Variants in HDAC9 observed in about 807,000 individuals in gnomAD.
HDAC9 encodes histone deacetylase 9.
In HDAC9, 41 loss-of-function variants were observed where a neutral mutation model predicts 139.4. The observed-to-expected ratio is 0.29, with a 90% CI of 0.23 to 0.38. The LOEUF is 0.38. Among genes scored for constraint, HDAC9 ranks in the 10% least tolerant of loss-of-function variants. HDAC9 has a pLI of 1.00. For missense variants in HDAC9, 1,147 were observed against 1,297.0 expected (o/e 0.88, Z 1.78); for synonymous variants, 517 against 476.2 (o/e 1.09, Z -1.12).
intron 1 of HDAC9, among the ~76,000 whole-genome samples, chr7:18,436,473 A>G (rs1173874101): frequency 6.6e-6 from 1 of 152,166 alleles, no homozygotes; most frequent in Non-Finnish European, 1.5e-5. Context: ...TTTTGTTTTC[A>G]TGCTAATTTC....
chr7:18,206,034 G>C (rs1038402794), intron 2 of HDAC9, among the ~76,000 whole-genome samples: 67 of 152,140 alleles, frequency 4.4e-4, no homozygotes, highest in African/African-American at 1.5e-3. Context: ...ACTTTTAATA[G>C]TTAAAATTTT....
chr7:18,524,901 C>CA (rs754513515), intron 2 of HDAC9, among the ~76,000 whole-genome samples: 12 of 148,152 alleles, frequency 8.1e-5, no homozygotes, highest in Admixed American at 1.4e-4. Context: ...CACACACACA[C>CA]ATTACAGATA....
chr7:18,298,788 C>G (rs1442967319), intron 1 of HDAC9, among the ~76,000 whole-genome samples: 2 of 151,986 alleles, frequency 1.3e-5, no homozygotes, highest in African/African-American at 4.8e-5. Flanking sequence ...TTAAATATCC[C>G]ATATAAAAAG....
At chr7:18,892,247 T>G (rs1378680479) in intron 22 of HDAC9, 1 of 152,212 alleles carries the variant, frequency 6.6e-6, no homozygotes, top group Non-Finnish European at 1.5e-5. Context: ...TGGTTTAAAA[T>G]TCTCTATCTA....
Position 18,368,447 on chromosome 7 carries a change from GTTTCT to G in HDAC9, c.-42+77933_-42+77937del, listed in dbSNP as rs537049010. On this transcript the variant is annotated intron_variant, in intron 1 of 3. Coordinates refer to the HDAC9 transcript ENST00000413509. ...AAATTTCTTATATATCAAACATGCTGTTTCTGTTTCTGAACTCTGTTTGGTTCCAT... is the reference window on the plus strand; with the variant it reads ...AAATTTCTTATATATCAAACATGCTGGTTTCTGAACTCTGTTTGGTTCCAT... Among the ~76,000 whole-genome samples the G allele has an allele frequency of 8.8e-4, 133 of 151,880 alleles. 1 individual carries two copies. The East Asian group carries it at 0.023, about 26-fold the overall frequency.
chr7:18,657,640 AC>A (rs1791654023), intron 11 of HDAC9, among the ~76,000 whole-genome samples: 1 of 152,002 alleles, frequency 6.6e-6, no homozygotes, highest in Non-Finnish European at 1.5e-5. Flanking sequence ...CACTGCCCCA[AC>A]CCCTGCCAAG....
chr7:18,144,345 C>CT (rs1457154421), intron 1 of HDAC9, among the ~76,000 whole-genome samples: 2 of 152,110 alleles, frequency 1.3e-5, no homozygotes, highest in Non-Finnish European at 2.9e-5. Flanking sequence ...TAACTGGAAC[C>CT]TTCTTCTGGT....
intron 21 of HDAC9, among the ~76,000 whole-genome samples, chr7:18,852,134 C>T (rs1797345830): frequency 1.3e-5 from 2 of 152,196 alleles, no homozygotes. Flanking sequence ...GTGCGTAAAG[C>T]TGCCTTACAA....
At chr7:18,665,020 T>A (rs927974377) in intron 11 of HDAC9, among the ~76,000 whole-genome samples, 1 of 152,132 alleles carries the variant, frequency 6.6e-6, no homozygotes, top group Non-Finnish European at 1.5e-5. Context: ...TCAGGGCCAT[T>A]TGAGGTTGCG....
chr7:18,385,381 A>G (rs1048152295), intron 1 of HDAC9, among the ~76,000 whole-genome samples: 1 of 152,192 alleles, frequency 6.6e-6, no homozygotes, highest in Non-Finnish European at 1.5e-5. Flanking sequence ...ATAAGAAATG[A>G]ATAAAGTTGC....
chr7:18,177,288 C>T (rs1788995341), intron 2 of HDAC9, among the ~76,000 whole-genome samples: 1 of 152,180 alleles, frequency 6.6e-6, no homozygotes, highest in Non-Finnish European at 1.5e-5. Context: ...ACGGATGGAT[C>T]TGTGTCTGAG....
chr7:18,636,623 A>C (rs1456642036), intron 8 of HDAC9, among the ~76,000 whole-genome samples: 7 of 151,550 alleles, frequency 4.6e-5, no homozygotes, highest in Admixed American at 3.3e-4. Flanking sequence ...TGGCCTCTAC[A>C]TGGTCTTCAG....
intron 16 of HDAC9, among the ~76,000 whole-genome samples, chr7:18,782,664 C>T (rs541042743): frequency 6.6e-6 from 1 of 151,142 alleles, no homozygotes; most frequent in Non-Finnish European, 1.5e-5. Context: ...CTTTGATGTG[C>T]TGCGAAATAG....
In HDAC9 at chr7:18,563,470, C is replaced by T. The variant is rs186723602; in HGVS notation, c.23-21811C>T. ...ATTGTTAGCTTATTTTAGTTATTTC[C>T]CCATTTTCCATCCCCTAATATCTTT... is the stretch of plus-strand genomic sequence containing the variant. On this transcript the variant is annotated intron_variant, in intron 2 of 25. Coordinates refer to ENST00000686413, the MANE Select transcript of HDAC9 (RefSeq NM_178425.4). 2.6e-5 allele frequency among the ~76,000 whole-genome samples: 4 copies of T among 151,944 alleles called. No individual in the cohort carries two copies. The East Asian group carries it at 7.7e-4, about 29-fold the overall frequency.
intron 1 of HDAC9, among the ~76,000 whole-genome samples, chr7:18,143,487 C>T (rs1786060736): frequency 6.6e-6 from 1 of 152,058 alleles, no homozygotes. Flanking sequence ...TGAATTGCTG[C>T]TATGATCAAG....
At chr7:18,735,252 C>A (rs990006892) in intron 13 of HDAC9, among the ~76,000 whole-genome samples, 1 of 152,108 alleles carries the variant, frequency 6.6e-6, no homozygotes, top group Non-Finnish European at 1.5e-5. Flanking sequence ...AGATCCCATT[C>A]GTCTATTTTG....
chr7:18,874,391 T>C, intron 21 of HDAC9, 87 bp from the exon 22 acceptor site: 1 of 696,442 alleles, frequency 1.4e-6, no homozygotes, highest in East Asian at 2.7e-5. Context: ...GGGAGGTTCC[T>C]ATTGTTGTGC....
At position 18,506,790 on chromosome 7, in the gene HDAC9, A is replaced by G. The variant is rs116536562; in HGVS notation, c.22+10466A>G. ...AAAGATACTGTCATTATAATGCACT[A>G]TTGTGAGTTACTGATTTAAATAGAT... On this transcript the variant is annotated intron_variant, in intron 2 of 25. Transcript: ENST00000686413. 7.8e-3 allele frequency among the ~76,000 whole-genome samples: 1,190 copies of G among 152,318 alleles called. 15 individuals carry two copies. The highest frequency in any genetic ancestry group is 0.027 in the African/African-American group (1,127 of 41,570).
chr7:18,357,887 C>T (rs1304562101), intron 1 of HDAC9, among the ~76,000 whole-genome samples: 2 of 152,080 alleles, frequency 1.3e-5, no homozygotes, highest in African/African-American at 4.8e-5. Flanking sequence ...TTGTGAGGAG[C>T]TTGGATTTGT....
Sources: gnomAD v4.1 joint callset for allele counts (sites outside exome capture counted in the v4.1 genomes callset) on GRCh38, gnomAD v4.1.1 for gene constraint, MANE v1.5 for transcripts, NCBI Gene and HGNC (gene_info 2026-07-23, HGNC 2026-07-21) for gene names.